Variants in PLCB4 observed in about 807,000 individuals in gnomAD.
PLCB4 encodes phospholipase C beta 4.
PLCB4 carries 77 observed loss-of-function variants against 178.8 expected under a neutral mutation model. That is an observed-to-expected ratio of 0.43 (90% CI 0.36 to 0.52). The LOEUF (loss-of-function observed/expected upper bound fraction) is 0.52. PLCB4 is among the 20% of genes least tolerant of loss of function. PLCB4 has a pLI of 0.00. For missense variants in PLCB4, 1,024 were observed against 1,453.4 expected, an observed-to-expected ratio of 0.70 and a Z score of 4.80; for synonymous variants, 496 against 490.8, an observed-to-expected ratio of 1.01 and a Z score of -0.14.
chr20:9,195,945 G>A (rs1389472275), intron 2 of PLCB4, among the ~76,000 whole-genome samples: 1 of 152,130 alleles, frequency 6.6e-6, no homozygotes, highest in East Asian at 1.9e-4. Context: ...AAACAAAGAG[G>A]TTTTGGAGAT....
chr20:9,126,245 G>C (rs758476119), intron 2 of PLCB4, among the ~76,000 whole-genome samples: 5 of 152,052 alleles, frequency 3.3e-5, no homozygotes, highest in Admixed American at 2.6e-4. Context: ...TTTAAAAATT[G>C]CTATTTTAAG....
At chr20:9,173,554 T>C (rs1419987185) in intron 2 of PLCB4, among the ~76,000 whole-genome samples, 1 of 152,144 alleles carries the variant, frequency 6.6e-6, no homozygotes, top group African/African-American at 2.4e-5. Context: ...AGGACCGTGT[T>C]TTTTCTGGAG....
chr20:9,339,956 C>A (rs1469042949), intron 7 of PLCB4, among the ~76,000 whole-genome samples: 6 of 152,156 alleles, frequency 3.9e-5, no homozygotes, highest in Non-Finnish European at 8.8e-5. Context: ...CTGTACAGAG[C>A]TCCCATTATC....
chr20:9,459,924 A>T, intron 35 of PLCB4, 114 bp downstream of exon 35: 2 of 672,082 alleles, frequency 3.0e-6, no homozygotes, highest in Non-Finnish European at 5.1e-6. Flanking sequence ...TACAACATGT[A>T]GCTCTTTTGT....
chr20:9,355,536 C>T (rs2034729692), intron 7 of PLCB4, among the ~76,000 whole-genome samples: 1 of 151,782 alleles, frequency 6.6e-6, no homozygotes, highest in African/African-American at 2.4e-5. Flanking sequence ...TGAGTGAGAA[C>T]ATTCGGTGTT....
intron 1 of PLCB4, among the ~76,000 whole-genome samples, chr20:9,070,259 G>A (rs2089500221): frequency 6.6e-6 from 1 of 152,204 alleles, no homozygotes; most frequent in South Asian, 2.1e-4. Flanking sequence ...CTCCAAGGAG[G>A]TTAAGAAAGT....
intron 3 of PLCB4, among the ~76,000 whole-genome samples, chr20:9,239,482 T>C (rs147951658): frequency 6.6e-6 from 1 of 152,260 alleles, no homozygotes; most frequent in East Asian, 1.9e-4. Context: ...CAAATTTATT[T>C]AACCAAACCT....
chr20:9,154,452 G>C (rs2092746792), intron 2 of PLCB4, among the ~76,000 whole-genome samples: 1 of 152,140 alleles, frequency 6.6e-6, no homozygotes, highest in Non-Finnish European at 1.5e-5. Flanking sequence ...GTTTTGAAAT[G>C]ATGGAGTTAA....
At chr20:9,386,958 T>C (rs2037725389) in intron 14 of PLCB4, among the ~76,000 whole-genome samples, 1 of 151,328 alleles carries the variant, frequency 6.6e-6, no homozygotes, top group Non-Finnish European at 1.5e-5. Flanking sequence ...AGTGGCATGA[T>C]GTCAGCTCAC....
chr20:9,212,214 T>C (rs889225676), intron 2 of PLCB4, among the ~76,000 whole-genome samples: 1 of 152,240 alleles, frequency 6.6e-6, no homozygotes, highest in Non-Finnish European at 1.5e-5. Flanking sequence ...TGATTTAAGC[T>C]ACAAAAGTTT....
chr20:9,277,591 T>C (rs2094460944), intron 3 of PLCB4, among the ~76,000 whole-genome samples: 1 of 152,030 alleles, frequency 6.6e-6, no homozygotes, highest in South Asian at 2.1e-4. Context: ...TACAAAACGG[T>C]AACTGCTGGT....
chr20:9,140,962 G>A (rs1478110923), intron 2 of PLCB4, among the ~76,000 whole-genome samples: 1 of 152,056 alleles, frequency 6.6e-6, no homozygotes, highest in Non-Finnish European at 1.5e-5. Context: ...TCGTTTCAGG[G>A]AATATAAGGA....
intron 36 of PLCB4, among the ~76,000 whole-genome samples, 193 bp from the exon 37 acceptor site, chr20:9,472,597 G>A (rs2044264382): frequency 6.6e-6 from 1 of 152,184 alleles, no homozygotes; most frequent in African/African-American, 2.4e-5. Flanking sequence ...CAGTTAATCT[G>A]AGGGACACAT....
intron 14 of PLCB4, 25 bp downstream of exon 14, chr20:9,384,436 G>A (rs755943763): frequency 1.3e-6 from 2 of 1,523,330 alleles, no homozygotes; most frequent in African/African-American, 1.4e-5. Context: ...ATGGCAATTT[G>A]TTTTTTGTGT....
At chr20:9,346,346 C>T (rs2033792048) in intron 7 of PLCB4, among the ~76,000 whole-genome samples, 1 of 152,210 alleles carries the variant, frequency 6.6e-6, no homozygotes, top group South Asian at 2.1e-4. Flanking sequence ...TCCTGCTTTA[C>T]TTGCAGAGGC....
intron 3 of PLCB4, among the ~76,000 whole-genome samples, chr20:9,303,544 T>G (rs2094729486): frequency 6.6e-6 from 1 of 152,200 alleles, no homozygotes; most frequent in African/African-American, 2.4e-5. Context: ...GAATAATATT[T>G]CACTGTGTAT....
At chr20:9,402,349 G>T (rs1348310565) in intron 20 of PLCB4, among the ~76,000 whole-genome samples, 1 of 152,212 alleles carries the variant, frequency 6.6e-6, no homozygotes, top group African/African-American at 2.4e-5. Flanking sequence ...CCATGCGGAG[G>T]GACCACAGTA....
intron 23 of PLCB4, 61 bp from the exon 24 acceptor site, chr20:9,408,996 T>A: frequency 2.0e-6 from 3 of 1,504,954 alleles, no homozygotes; most frequent in Non-Finnish European, 2.7e-6. Context: ...TTTTAGCTCT[T>A]TGTTGTTTAT....
rs1206543368 is a variant in PLCB4, at chr20:9,096,347, G to A, written c.-79+5G>A. The A allele has an allele frequency of 6.6e-6, 1 of 152,116 alleles. No individual in the cohort carries two copies. Among genetic ancestry groups the A allele is most frequent in the Admixed American group, 6.5e-5 (1 of 15,270 alleles). The allele number at this position is 152,116 out of a possible 1,614,324, so 9.4% of individuals were successfully genotyped here. A position where few individuals can be genotyped will look rare whatever the true frequency, so the allele number is the denominator to read the frequency against. On this transcript the variant is annotated splice_donor_5th_base_variant and intron_variant, in intron 2 of 39. Transcript: ENST00000378473. The stretch of plus-strand genomic sequence containing the variant: ...AATGTGATCTCCCTTAAAAAGGTAG[G>A]TGTATGTGCTTTTTAATTTGTGACT...
Sources: allele counts gnomAD v4.1 joint callset (sites outside exome capture counted in the v4.1 genomes callset), GRCh38; gene constraint gnomAD v4.1.1; transcripts MANE v1.5; gene names NCBI Gene and HGNC (gene_info 2026-07-23, HGNC 2026-07-21).